The following AKR1C3 variants were observed in gnomAD, a reference collection of about 807,000 sequenced individuals.
AKR1C3 encodes aldo-keto reductase family 1 member C3.
AKR1C3 carries 48 observed loss-of-function variants against 43.6 expected under a neutral mutation model. The ratio of observed to expected loss-of-function variants is 1.10; its 90% CI spans 0.87 to 1.40. The LOEUF is 1.40. Among genes scored for constraint, AKR1C3 ranks in the 40% most tolerant of loss-of-function variants. The pLI, the probability that AKR1C3 is intolerant of heterozygous loss-of-function variation, is 0.00. For synonymous variants in AKR1C3, 162 were observed against 139.6 expected (o/e 1.16, Z -1.13); for missense variants, 482 against 391.2 (o/e 1.23, Z -1.96).
At chr10:5,097,892 T>A (rs1839247754) in intron 3 of AKR1C3, 1 of 1,101,644 alleles carries the variant, frequency 9.1e-7, no homozygotes, top group South Asian at 2.4e-5. Context: ...TGGTGCCCAA[T>A]AAAACTGCTG....
chr10:5,099,115 C>G (rs1937840), intron 4 of AKR1C3, among the ~76,000 whole-genome samples: 68,880 of 152,066 alleles, frequency 0.45, 16,545 homozygotes, highest in East Asian at 0.86. Flanking sequence ...ATTAATCTAT[C>G]CAGTTTCCTA....
At position 5,098,257 on chromosome 10, in the gene AKR1C3, CTTTT is replaced by C. The variant is rs1296224464; in HGVS notation, c.370-540_370-537del. Reference sequence around the variant, plus strand: ...CTATTCTTATCTCTAAACTCCAACACTTTTTTTTATTATTGTTGACCCAAACTTT... The same window carrying C: ...CTATTCTTATCTCTAAACTCCAACACTTTTATTATTGTTGACCCAAACTTT... On this transcript the variant is annotated intron_variant, in intron 3 of 8. Transcript: ENST00000380554. The C allele has an allele frequency of 8.7e-6, 8 of 920,526 alleles. No homozygotes were observed. The African/African-American group carries it at 1.1e-4, about 12-fold the overall frequency. 57.0% of individuals were successfully genotyped at this position (920,526 alleles called of 1,614,324 possible). A position where few individuals can be genotyped will look rare whatever the true frequency, so the allele number is the denominator to read the frequency against.
intron 1 of AKR1C3, among the ~76,000 whole-genome samples, chr10:5,079,174 G>T (rs1358729656): frequency 6.6e-6 from 1 of 152,122 alleles, no homozygotes; most frequent in African/African-American, 2.4e-5. Context: ...TTCATTTATT[G>T]ATGCTCTTGT....
At chr10:5,088,531 G>A (rs1839021111) in intron 1 of AKR1C3, among the ~76,000 whole-genome samples, 1 of 151,564 alleles carries the variant, frequency 6.6e-6, no homozygotes, top group Non-Finnish European at 1.5e-5. Context: ...TTATATTTAG[G>A]ATGGTTAAAT....
intron 1 of AKR1C3, among the ~76,000 whole-genome samples, chr10:5,076,879 C>T (rs547830551): frequency 9.2e-5 from 14 of 152,034 alleles, no homozygotes; most frequent in Non-Finnish European, 1.9e-4. Context: ...ACAGTCATGC[C>T]CAGAATTATG....
chr10:5,049,399 G>T (rs1421695578), intron 1 of AKR1C3, among the ~76,000 whole-genome samples: 1 of 151,992 alleles, frequency 6.6e-6, no homozygotes, highest in African/African-American at 2.4e-5. Context: ...ACTGGACCTG[G>T]ACTAAAGAGA....
rs781809626 is a variant in AKR1C3, at chr10:5,102,644, C to T, written c.840C>T (p.Asn280=). Residue 280 remains asparagine (N), a synonymous_variant, in exon 7 of 9, where the codon AAC becomes AAT. Coordinates refer to ENST00000380554, the MANE Select transcript of AKR1C3 (RefSeq NM_003739.6). ...KSYNEQRIRQ[N]VQVFEFQLTA... Reference sequence around the variant, plus strand: ...ACAATGAGCAGCGCATCAGACAGAACGTGCAGGTGAGGAGCGGGGCTGTGG... The same window carrying T: ...ACAATGAGCAGCGCATCAGACAGAATGTGCAGGTGAGGAGCGGGGCTGTGG... The T allele has an allele frequency of 1.4e-5, 20 of 1,468,360 alleles. No homozygotes were observed. In the South Asian group the frequency reaches 2.0e-4, roughly 15 times the overall value. 91.0% of individuals were successfully genotyped at this position (1,468,360 alleles called of 1,614,324 possible).
chr10:5,063,791 G>GAAAAAAAAAAAAAAAAAAAAAAAAAAAAA (rs1554780518), intron 1 of AKR1C3, among the ~76,000 whole-genome samples: 154 of 72,758 alleles, frequency 2.1e-3, no homozygotes, highest in Middle Eastern at 6.0e-3. Flanking sequence ...AAAAAAAAAG[G>GAAAAAAAAAAAAAAAAAAAAAAAAAAAAA]AAAATGGCAC....
intron 1 of AKR1C3, among the ~76,000 whole-genome samples, chr10:5,078,871 G>A (rs1554782102): frequency 6.6e-6 from 1 of 152,228 alleles, no homozygotes; most frequent in Non-Finnish European, 1.5e-5. Flanking sequence ...CTGGTCTGCA[G>A]TGATGAGTAG....
chr10:5,098,868 A>T lies in AKR1C3; in HGVS notation c.436A>T (p.Thr146Ser). 6.2e-7 allele frequency: 1 copy of T among 1,613,260 alleles called. No homozygotes were observed. ...KVIFDIVDLC[T>S]TWEAMEKCKD... ...AATATTTGACATAGTGGATCTCTGTACCACCTGGGAGGTGAGTGCTTGGCG... is the reference window on the plus strand; with the variant it reads ...AATATTTGACATAGTGGATCTCTGTTCCACCTGGGAGGTGAGTGCTTGGCG... Residue 146 changes from threonine to serine, a missense_variant, in exon 4 of 9, where the codon ACC (threonine) becomes TCC (serine). Transcript: ENST00000380554.
intron 1 of AKR1C3, among the ~76,000 whole-genome samples, chr10:5,086,379 A>T (rs2131824435): frequency 6.6e-6 from 1 of 151,508 alleles, no homozygotes; most frequent in African/African-American, 2.4e-5. Context: ...CATGTAGTTG[A>T]GCAGTTTTGA....
chr10:5,081,879 G>A (rs1395049034), intron 1 of AKR1C3: 3 of 152,192 alleles, frequency 2.0e-5, no homozygotes, highest in Non-Finnish European at 2.9e-5. Context: ...GACAGAAGAA[G>A]AAACCAGTGA....
intron 1 of AKR1C3, among the ~76,000 whole-genome samples, chr10:5,051,775 C>T (rs1184302023): frequency 6.6e-6 from 1 of 152,212 alleles, no homozygotes; most frequent in Non-Finnish European, 1.5e-5. Flanking sequence ...TTGGCTAAAT[C>T]TACCCTGCTT....
intron 1 of AKR1C3, among the ~76,000 whole-genome samples, chr10:5,069,067 T>G (rs1248950462): frequency 6.6e-6 from 1 of 152,132 alleles, no homozygotes; most frequent in Non-Finnish European, 1.5e-5. Context: ...TTCACTTTTC[T>G]GACAAAATAT....
chr10:5,074,218 G>A (rs549964144), intron 1 of AKR1C3, among the ~76,000 whole-genome samples: 75 of 152,220 alleles, frequency 4.9e-4, no homozygotes, highest in Middle Eastern at 6.8e-3. Flanking sequence ...GCTGTGCCCC[G>A]ACCACGTTGG....
chr10:5,058,811 C>T (rs769722239), intron 1 of AKR1C3, among the ~76,000 whole-genome samples: 1 of 152,150 alleles, frequency 6.6e-6, no homozygotes, highest in Non-Finnish European at 1.5e-5. Flanking sequence ...TGCACCCTTG[C>T]CTGTCCTCCT....
chr10:5,058,666 G>T (rs180721796), intron 1 of AKR1C3, among the ~76,000 whole-genome samples: 3 of 152,164 alleles, frequency 2.0e-5, no homozygotes, highest in African/African-American at 7.2e-5. Context: ...AACCTGCAAT[G>T]GTCCGTGGAC....
At chr10:5,084,575 C>T (rs1838919600) in intron 1 of AKR1C3, among the ~76,000 whole-genome samples, 2 of 152,098 alleles carry the variant, frequency 1.3e-5, no homozygotes, top group Non-Finnish European at 2.9e-5. Flanking sequence ...TTTTGGGTTC[C>T]ATATGAACTT....
rs202095354 is a variant in AKR1C3, at chr10:5,107,474, C to A, written c.943C>A (p.Pro315Thr). 3.2e-6 allele frequency: 5 copies of A among 1,582,756 alleles called. No homozygotes were observed. The highest frequency in any genetic ancestry group is 4.3e-6 in the Non-Finnish European group (5 of 1,152,326). ...YFNSDSFASH[P>T]NYPYSDEY ...TTCTCTTTTCAGTTTTGCTAGCCACCCTAATTATCCATATTCAGATGAATA... is the reference window on the plus strand; with the variant it reads ...TTCTCTTTTCAGTTTTGCTAGCCACACTAATTATCCATATTCAGATGAATA... Residue 315 changes from proline (P) to threonine (T), a missense_variant, in exon 9 of 9, where the codon CCT becomes ACT. Coordinates refer to ENST00000380554, the MANE Select transcript of AKR1C3 (RefSeq NM_003739.6).
Sources: allele counts gnomAD v4.1 joint callset (sites outside exome capture counted in the v4.1 genomes callset), GRCh38; gene constraint gnomAD v4.1.1; transcripts MANE v1.5; gene names NCBI Gene and HGNC (gene_info 2026-07-23, HGNC 2026-07-21).